Variants in CLCNKB observed in about 807,000 individuals in gnomAD.
CLCNKB encodes chloride channel protein ClC-Kb.
In CLCNKB, 74 loss-of-function variants were observed where a neutral mutation model predicts 83.8. That is an observed-to-expected ratio of 0.88 (90% CI 0.73 to 1.07). The LOEUF (loss-of-function observed/expected upper bound fraction) is 1.07, where lower values mean the gene tolerates loss of function less well. Among genes scored for constraint, CLCNKB ranks in the 50% least tolerant of loss-of-function variants. The pLI is 0.00. For synonymous variants in CLCNKB, 358 were observed against 356.6 expected (o/e 1.00, Z -0.04); for missense variants, 798 against 893.6 (o/e 0.89, Z 1.36).
intron 2 of CLCNKB, 38 bp downstream of exon 2, chr1:16,044,630 C>A (rs761036682): frequency 3.3e-6 from 5 of 1,507,328 alleles, no homozygotes; most frequent in Non-Finnish European, 4.5e-6. Context: ...CCTGGAGGAC[C>A]ACTCAGGACA....
intron 15 of CLCNKB, among the ~76,000 whole-genome samples, chr1:16,052,956 G>A (rs768267230): frequency 2.6e-5 from 4 of 152,052 alleles, no homozygotes; most frequent in South Asian, 4.1e-4. Flanking sequence ...CTCTGAACCC[G>A]TTTCCCTATC....
chr1:16,048,306 C>G, intron 5 of CLCNKB, 37 bp from the exon 6 acceptor site: 1 of 1,610,762 alleles, frequency 6.2e-7, no homozygotes, highest in Non-Finnish European at 8.5e-7. Flanking sequence ...TCTCTGCTGC[C>G]CTCACCTGGG....
Position 16,055,418 on chromosome 1 carries a change from G to A in CLCNKB, c.1757-17G>A, listed in dbSNP as rs761561518. On this transcript the variant is annotated splice_polypyrimidine_tract_variant and intron_variant, in intron 16 of 19. Transcript: ENST00000375679. ...CCTCCTAATGTGCCTCCCTCTGGCT[G>A]TCTCTCCACTTGCCAGAGTCCCAGA... 1.9e-6 allele frequency: 3 copies of A among 1,607,848 alleles called. No homozygotes were observed. Among genetic ancestry groups the A allele is most frequent in the Non-Finnish European group, 2.6e-6 (3 of 1,174,748 alleles).
intron 4 of CLCNKB, 42 bp from the exon 5 acceptor site, chr1:16,047,863 C>G: frequency 6.2e-7 from 1 of 1,607,912 alleles, no homozygotes; most frequent in Non-Finnish European, 8.5e-7. Flanking sequence ...GATTTTTAAC[C>G]TAGAGATTGT....
chr1:16,046,098 G>A (rs558658855), intron 3 of CLCNKB, among the ~76,000 whole-genome samples: 13 of 152,344 alleles, frequency 8.5e-5, no homozygotes, highest in African/African-American at 3.1e-4. Context: ...TGGAAGAGGG[G>A]GTGTGGGCAG....
intron 16 of CLCNKB, among the ~76,000 whole-genome samples, chr1:16,055,180 T>C (rs1426410166): frequency 1.3e-5 from 2 of 152,118 alleles, no homozygotes; most frequent in Non-Finnish European, 2.9e-5. Flanking sequence ...ATCTCAGTGG[T>C]GGCCAGGGTC....
intron 15 of CLCNKB, among the ~76,000 whole-genome samples, 176 bp downstream of exon 15, chr1:16,052,587 C>G (rs562087052): frequency 3.1e-4 from 47 of 152,336 alleles, no homozygotes; most frequent in African/African-American, 1.1e-3. Context: ...TTGGGCAAGT[C>G]CTTGGCCTTG....
chr1:16,056,566 A>T, intron 19 of CLCNKB, 58 bp downstream of exon 19: 5 of 163,308 alleles, frequency 3.1e-5, no homozygotes, highest in Non-Finnish European at 6.0e-5. Flanking sequence ...AAGACTGGGG[A>T]GGTGGGGAGG....
chr1:16,044,351 T>TCACACACA (rs1486482877), intron 1 of CLCNKB, 135 bp from the exon 2 acceptor site: 19 of 144,704 alleles, frequency 1.3e-4, no homozygotes, highest in African/African-American at 7.3e-4. Flanking sequence ...TGTGATAACT[T>TCACACACA]CACATACACA....
chr1:16,047,172 A>G (rs945401), intron 4 of CLCNKB, among the ~76,000 whole-genome samples: 127,032 of 152,160 alleles, frequency 0.83, 55,176 homozygotes, highest in East Asian at 1. Context: ...GGCTGGGTGC[A>G]GTGACTCATG....
chr1:16,050,749 C>A, intron 11 of CLCNKB, 126 bp from the exon 12 acceptor site: 1 of 1,524,632 alleles, frequency 6.6e-7, no homozygotes, highest in Non-Finnish European at 9.0e-7. Context: ...GAGGTCAGAG[C>A]CCTGCCCAAG....
At position 16,044,482 on chromosome 1, in the gene CLCNKB, C is replaced by A; in HGVS notation, c.-7-4C>A. 1 of 1,594,954 alleles carries A rather than the reference C, an allele frequency of 6.3e-7. No individual in the cohort carries two copies. Among genetic ancestry groups the A allele is most frequent in the Non-Finnish European group, 8.5e-7 (1 of 1,171,708 alleles). ...GCGGTCCCTCCCTCTATCCGCTTCT[C>A]CAGGGGCCTGATGGAGGAGTTTGTG... On this transcript the variant is annotated splice_polypyrimidine_tract_variant and splice_region_variant and intron_variant, in intron 1 of 19. Coordinates refer to ENST00000375679, the MANE Select transcript of CLCNKB (RefSeq NM_000085.5).
At chr1:16,049,367 C>G in intron 8 of CLCNKB, 122 bp downstream of exon 8, 1 of 1,537,692 alleles carries the variant, frequency 6.5e-7, no homozygotes, top group African/African-American at 1.4e-5. Flanking sequence ...TTTTCCTCTT[C>G]CTTGTTCCCA....
chr1:16,045,063 G>T (rs986592671), intron 2 of CLCNKB, among the ~76,000 whole-genome samples: 2 of 151,956 alleles, frequency 1.3e-5, no homozygotes, highest in Non-Finnish European at 2.9e-5. Context: ...GCAACCCCAG[G>T]GGCTGGTGCC....
chr1:16,050,602 T>G lies in CLCNKB; in HGVS notation c.1053+2T>G. ...GCCGGCCGCTTCCTAGCTTCTCGGG[T>G]AAGGGGCCTTGAGTGGGGTGGCAGG... On this transcript the variant is annotated splice_donor_variant, in intron 11 of 19. Coordinates refer to ENST00000375679, the MANE Select transcript of CLCNKB (RefSeq NM_000085.5). LOFTEE classifies it high-confidence loss of function. 6.2e-7 allele frequency: 1 copy of G among 1,613,880 alleles called. No individual in the cohort carries two copies. Among genetic ancestry groups the G allele is most frequent in the Non-Finnish European group, 8.5e-7 (1 of 1,179,876 alleles).
chr1:16,049,362 C>A, intron 8 of CLCNKB, 117 bp downstream of exon 8: 1 of 1,539,102 alleles, frequency 6.5e-7, no homozygotes, highest in South Asian at 1.3e-5. Context: ...CCTCTTTTTC[C>A]TCTTCCTTGT....
chr1:16,044,440 A>G (rs2023031760), intron 1 of CLCNKB, 46 bp from the exon 2 acceptor site: 1 of 1,497,030 alleles, frequency 6.7e-7, no homozygotes, highest in Non-Finnish European at 9.1e-7. Context: ...CAGTGCGAGG[A>G]CGTGCAGCAG....
chr1:16,048,770 T>C, intron 7 of CLCNKB, 188 bp downstream of exon 7: 1 of 1,465,736 alleles, frequency 6.8e-7, no homozygotes. Flanking sequence ...TGATTGGCGG[T>C]GCTAAGAGGC....
intron 15 of CLCNKB, among the ~76,000 whole-genome samples, chr1:16,052,982 C>T (rs1192048567): frequency 1.3e-5 from 2 of 152,104 alleles, no homozygotes; most frequent in Non-Finnish European, 2.9e-5. Flanking sequence ...AATGGGGCTG[C>T]TTACCCCAGT....
Sources: allele counts gnomAD v4.1 joint callset (sites outside exome capture counted in the v4.1 genomes callset), GRCh38; gene constraint gnomAD v4.1.1; transcripts MANE v1.5; gene names NCBI Gene and HGNC (gene_info 2026-07-23, HGNC 2026-07-21).